ZNF595: variants seen among roughly 807,000 people sequenced by gnomAD.
The protein encoded by ZNF595 is zinc finger protein 595.
In ZNF595, 9 loss-of-function variants were observed where a neutral mutation model predicts 19.4. The ratio of observed to expected loss-of-function variants is 0.46; its 90% CI spans 0.28 to 0.81. The LOEUF (loss-of-function observed/expected upper bound fraction) is 0.81, where lower values mean the gene tolerates loss of function less well. ZNF595 is among the 30% of genes least tolerant of loss of function. The pLI, the probability that ZNF595 is intolerant of heterozygous loss-of-function variation, is 0.11. For missense variants in ZNF595, 729 were observed against 736.0 expected (o/e 0.99, Z 0.11); for synonymous variants, 255 against 255.9 (o/e 1.00, Z 0.03).
Position 85,894 on chromosome 4 carries a change from T to A in ZNF595, c.390T>A (p.Asn130Lys). The A allele has an allele frequency of 6.2e-7, 1 of 1,614,058 alleles. No homozygotes were observed. The highest frequency in any genetic ancestry group is 8.5e-7 in the Non-Finnish European group (1 of 1,179,944). Residue 130 changes from asparagine to lysine, a missense_variant, in exon 4 of 4, where the codon AAT becomes AAA. Asn to Lys is a moderately conservative substitution (Grantham distance 94). This residue lies in a region of ZNF595 where 729 missense variants were observed against 675.3 expected (regional missense o/e 1.08). Transcript: ENST00000610261. ...AGTGTAAGGTGCAGAAAGGAGTTAA[T>A]AATGGAGTTTACCAGTGCTTGTCAA... ...VNECKVQKGV[N>K]NGVYQCLSTT...
rs782527343 is a variant in ZNF595 at position 85,859 on chromosome 4, C to G, written c.355C>G (p.Arg119Gly). The G allele has an allele frequency of 1.9e-6, 3 of 1,613,974 alleles. No individual in the cohort carries two copies. The highest frequency in any genetic ancestry group is 2.5e-6 in the Non-Finnish European group (3 of 1,179,940). ...TTTACAATTAAGAAAAGGCTGTAAA[C>G]GTGTGAATGAGTGTAAGGTGCAGAA... is the stretch of plus-strand genomic sequence containing the variant. ...ENLQLRKGCK[R>G]VNECKVQKGV... Residue 119 changes from arginine to glycine, a missense_variant, in exon 4 of 4, where the codon CGT (arginine) becomes GGT (glycine). By Grantham distance (125) the Arg-to-Gly change is moderately radical (BLOSUM62 -2). Around this residue, in one of 2 missense-constraint regions of ZNF595, gnomAD observed 729 missense variants for 675.3 expected, o/e 1.08. Coordinates refer to ENST00000610261, the MANE Select transcript of ZNF595 (RefSeq NM_182524.4).
Position 87,393 on chromosome 4 carries a change from A to T in ZNF595, c.1889A>T (p.Asn630Ile). ...YKCEECGKAF[N>I]RPSTLTVHKR... is the part of the protein sequence containing the mutation. ...TGTGAAGAATGTGGCAAAGCTTTTAATCGGCCCTCAACCCTTACTGTACAC... is the reference window on the plus strand; with the variant it reads ...TGTGAAGAATGTGGCAAAGCTTTTATTCGGCCCTCAACCCTTACTGTACAC... Residue 630 changes from asparagine to isoleucine, a missense_variant, in exon 4 of 4, where the codon AAT becomes ATT. Physicochemically the swap from Asn to Ile is moderately radical, Grantham distance 149. Transcript: ENST00000610261. The T allele has an allele frequency of 6.2e-7, 1 of 1,612,812 alleles. No homozygotes were observed. Among genetic ancestry groups the T allele is most frequent in the South Asian group, 1.1e-5 (1 of 90,766 alleles).
At chr4:66,317 A>G (rs1322940728) in intron 3 of ZNF595, among the ~76,000 whole-genome samples, 1 of 149,062 alleles carries the variant, frequency 6.7e-6, no homozygotes, top group Non-Finnish European at 1.5e-5. Context: ...CTTGTCTATT[A>G]GTCATGTAAC....
In ZNF595 at chr4:87,793, T is replaced by A. The variant is rs1459483714; in HGVS notation, c.*342T>A. Reference sequence around the variant, plus strand: ...TGGAGCGCAGTGGTGCGATCTTGGCTCACTGCAACCTCCACCTGCTGGGTT... The same window carrying A: ...TGGAGCGCAGTGGTGCGATCTTGGCACACTGCAACCTCCACCTGCTGGGTT... On this transcript the variant is annotated 3_prime_UTR_variant, in exon 4 of 4. Coordinates refer to ENST00000610261, the MANE Select transcript of ZNF595 (RefSeq NM_182524.4). The A allele has an allele frequency of 6.5e-6, 1 of 154,628 alleles. No individual in the cohort carries two copies. The highest frequency in any genetic ancestry group is 1.4e-5 in the Non-Finnish European group (1 of 71,462). 9.6% of individuals were successfully genotyped at this position (154,628 alleles called of 1,614,324 possible). A position where few individuals can be genotyped will look rare whatever the true frequency, so the allele number is the denominator to read the frequency against.
intron 1 of ZNF595, among the ~76,000 whole-genome samples, chr4:57,891 T>C (rs1581315227): frequency 6.6e-6 from 1 of 152,416 alleles, no homozygotes; most frequent in African/African-American, 2.4e-5. Flanking sequence ...TTGTATGTTA[T>C]AGATGGGGAA....
intron 3 of ZNF595, among the ~76,000 whole-genome samples, chr4:79,466 C>G (rs930052766): frequency 6.6e-6 from 1 of 152,146 alleles, no homozygotes; most frequent in South Asian, 2.1e-4. Flanking sequence ...ATTTCTAGCA[C>G]TATTTATTGA....
At position 85,997 on chromosome 4, in the gene ZNF595, A is replaced by G. The variant is rs375760699; in HGVS notation, c.493A>G (p.Ile165Val). The G allele has an allele frequency of 2.6e-4, 416 of 1,608,012 alleles. No individual in the cohort carries two copies. The highest frequency in any genetic ancestry group is 3.4e-4 in the Non-Finnish European group (398 of 1,176,594). ...ATTTTCAAATTCAAACAAACATAAG[A>G]TAAGACATACTGGAGAGAAACCCTT... The part of the protein sequence containing the change: ...SKFSNSNKHK[I>V]RHTGEKPFKC... The change falls in exon 4 of 4, where the codon ATA becomes GTA. Residue 165 changes from isoleucine to valine, a missense_variant. Transcript: ENST00000610261.
At chr4:66,328 T>C (rs1385450107) in intron 3 of ZNF595, among the ~76,000 whole-genome samples, 433 of 131,012 alleles carry the variant, frequency 3.3e-3, no homozygotes, top group African/African-American at 0.013. Context: ...GTCATGTAAC[T>C]TTTTGTTTTT....
chr4:76,721 G>A (rs565141683), intron 3 of ZNF595, among the ~76,000 whole-genome samples: 44 of 152,030 alleles, frequency 2.9e-4, no homozygotes, highest in African/African-American at 1.0e-3. Context: ...ACTCTTCTTC[G>A]TTGTCAAATT....
intron 3 of ZNF595, among the ~76,000 whole-genome samples, chr4:81,080 G>C (rs1448855294): frequency 2.6e-5 from 4 of 152,110 alleles, no homozygotes; most frequent in Non-Finnish European, 4.4e-5. Context: ...AGAACATGTG[G>C]TGTTTGGTTT....
chr4:83,821 CTTATT>C (rs1303634822), intron 3 of ZNF595, among the ~76,000 whole-genome samples: 3 of 150,224 alleles, frequency 2.0e-5, no homozygotes, highest in African/African-American at 4.9e-5. Context: ...ATTTTTGTCC[CTTATT>C]TTCTTTTCTG....
intron 3 of ZNF595, among the ~76,000 whole-genome samples, chr4:79,016 G>A (rs558164436): frequency 1.3e-5 from 2 of 152,340 alleles, no homozygotes; most frequent in African/African-American, 4.8e-5. Flanking sequence ...ATACGGTCCA[G>A]TGGTGTTAAG....
Position 73,920 on chromosome 4 carries a change from T to C in ZNF595, c.227-11811T>C, listed in dbSNP as rs1713535537. On this transcript the variant is annotated intron_variant, in intron 3 of 3. Coordinates refer to ENST00000610261, the MANE Select transcript of ZNF595 (RefSeq NM_182524.4). ...AGCCCTGAGACGGTGGGGTCTGTGC[T>C]GACCGTGGTGTTGTCAGAATTGAGT... is the stretch of plus-strand genomic sequence containing the variant. Among the ~76,000 whole-genome samples, 4 of 152,164 alleles carry C rather than the reference T, an allele frequency of 2.6e-5. No homozygotes were observed. In the South Asian group the frequency reaches 8.3e-4, roughly 32 times the overall value.
At position 87,064 on chromosome 4, in the gene ZNF595, C is replaced by T. The variant is rs201333049; in HGVS notation, c.1560C>T (p.Ser520=). The change falls in exon 4 of 4, where the codon TCC becomes TCT. Residue 520 remains serine (S), a synonymous_variant. Coordinates refer to ENST00000610261, the MANE Select transcript of ZNF595 (RefSeq NM_182524.4). ...CKECGKAFNQ[S]SGLIIHRSIH... The stretch of plus-strand genomic sequence containing the variant: ...AATGTGGCAAAGCTTTTAACCAATC[C>T]TCAGGCCTTATTATACACAGGAGCA... The T allele has an allele frequency of 2.5e-6, 4 of 1,613,796 alleles. No homozygotes were observed. The Admixed American group carries it at 5.0e-5, about 20-fold the overall frequency.
rs528937578 is a variant in ZNF595, at chr4:74,429, TATC to T, written c.227-11299_227-11297del. ...GTAGGGCAATAAAGTTCCCTAGTAT[TATC>T]ATATTTGTCTGTTTTTCTACATCTG... On this transcript the variant is annotated intron_variant, in intron 3 of 3. Transcript: ENST00000610261. Among the ~76,000 whole-genome samples, 26 of 152,346 alleles carry T rather than the reference TATC, an allele frequency of 1.7e-4. No individual in the cohort carries two copies. In the South Asian group the frequency reaches 4.1e-3, roughly 24 times the overall value.
Position 87,049 on chromosome 4 carries a change from A to G in ZNF595, c.1545A>G (p.Lys515=). 1.2e-6 allele frequency: 2 copies of G among 1,614,074 alleles called. No homozygotes were observed. Among genetic ancestry groups the G allele is most frequent in the Non-Finnish European group, 1.7e-6 (2 of 1,180,006 alleles). Residue 515 remains lysine (K), a synonymous_variant, in exon 4 of 4, where the codon AAA becomes AAG. Coordinates refer to ENST00000610261, the MANE Select transcript of ZNF595 (RefSeq NM_182524.4). ...EKPYKCKECG[K]AFNQSSGLII... ...CCTACAAATGTAAAGAATGTGGCAA[A>G]GCTTTTAACCAATCCTCAGGCCTTA...
chr4:81,387 T>C (rs1293308545), intron 3 of ZNF595, among the ~76,000 whole-genome samples: 4 of 152,208 alleles, frequency 2.6e-5, no homozygotes, highest in African/African-American at 9.6e-5. Context: ...ATGGTGATTT[T>C]ACCCTGCCTA....
chr4:70,330 C>T (rs186680961), intron 3 of ZNF595, among the ~76,000 whole-genome samples: 23 of 151,220 alleles, frequency 1.5e-4, no homozygotes, highest in Admixed American at 1.3e-3. Flanking sequence ...GCACTTTCCC[C>T]GATAAATATC....
At chr4:66,833 A>C (rs1234386927) in intron 3 of ZNF595, among the ~76,000 whole-genome samples, 821 of 151,730 alleles carry the variant, frequency 5.4e-3, no homozygotes, top group African/African-American at 0.019. Flanking sequence ...GTTTTTATTT[A>C]GCTTTGTTAT....
Sources: gnomAD v4.1 joint callset for allele counts (sites outside exome capture counted in the v4.1 genomes callset) on GRCh38, gnomAD v4.1.1 for gene constraint, gnomAD v4.1.1 regional missense constraint, MANE v1.5 for transcripts, NCBI Gene and HGNC (gene_info 2026-07-23, HGNC 2026-07-21) for gene names.